The following PRKCH variants were observed in gnomAD, a reference collection of about 807,000 sequenced individuals.
The protein encoded by PRKCH is protein kinase C eta.
In PRKCH, 28 loss-of-function variants were observed where a neutral mutation model predicts 82.5. That is an observed-to-expected ratio of 0.34 (90% confidence interval 0.25 to 0.47). PRKCH has a LOEUF of 0.47. Among genes scored for constraint, PRKCH ranks in the 20% least tolerant of loss-of-function variants. The pLI, the probability that PRKCH is intolerant of heterozygous loss-of-function variation, is 1.00. For synonymous variants in PRKCH, 322 were observed against 327.4 expected, an observed-to-expected ratio of 0.98 and a Z score of 0.18; for missense variants, 705 against 881.8, an observed-to-expected ratio of 0.80 and a Z score of 2.54.
Position 61,280,319 on chromosome 14 carries a change from C to T in PRKCH, c.-19+92651C>T. 6.2e-7 allele frequency: 1 copy of T among 1,613,866 alleles called. No homozygotes were observed. The highest frequency in any genetic ancestry group is 8.5e-7 in the Non-Finnish European group (1 of 1,179,950). On this transcript the variant is annotated intron_variant, in intron 1 of 3. Coordinates refer to the PRKCH transcript ENST00000555185. This position sits in a 1 kb window ranked among gnomAD's most constrained non-coding sequence, Gnocchi z 5.0. Reference sequence around the variant, plus strand: ...ACGCGGTAGGCGCCCCGCGGCAGCCCGGCCGAGTAGTTGCCCTGGCGGATG... The same window carrying T: ...ACGCGGTAGGCGCCCCGCGGCAGCCTGGCCGAGTAGTTGCCCTGGCGGATG...
intron 9 of PRKCH, among the ~76,000 whole-genome samples, chr14:61,466,777 C>T (rs111972386): frequency 3.3e-5 from 5 of 152,230 alleles, no homozygotes; most frequent in Admixed American, 1.3e-4. Context: ...GCTCCGATGC[C>T]GGTCGCTTTT....
In PRKCH at chr14:61,459,744, T is replaced by A. The variant is rs1390652528; in HGVS notation, c.1278+2065T>A. Among the ~76,000 whole-genome samples the A allele has an allele frequency of 3.3e-5, 5 of 152,272 alleles. No homozygotes were observed. The South Asian group carries it at 6.2e-4, about 19-fold the overall frequency. On this transcript the variant is annotated intron_variant, in intron 9 of 13. Transcript: ENST00000332981. ...ATTTATAGCCTTTGAGAGAATTTTC[T>A]GTACATAAAAGCATATATATACAGC...
chr14:61,493,327 A>G (rs1295228141), intron 10 of PRKCH, among the ~76,000 whole-genome samples: 2 of 152,154 alleles, frequency 1.3e-5, no homozygotes, highest in Non-Finnish European at 2.9e-5. Context: ...CCTTGTCTAA[A>G]TGGTTGCTGA....
chr14:61,546,300 G>A (rs1027519524), intron 12 of PRKCH, among the ~76,000 whole-genome samples: 1 of 152,198 alleles, frequency 6.6e-6, no homozygotes, highest in Non-Finnish European at 1.5e-5. Context: ...CAGCTGCTCT[G>A]ACTGGGCCTG....
chr14:61,410,291 CTT>C (rs979507425), intron 2 of PRKCH, among the ~76,000 whole-genome samples: 3 of 152,078 alleles, frequency 2.0e-5, no homozygotes, highest in Non-Finnish European at 4.4e-5. Context: ...TAAAATATCT[CTT>C]ATGCATTTTG....
At chr14:61,485,405 TGTC>T in intron 9 of PRKCH, 94 bp from the exon 10 acceptor site, 4 of 1,423,280 alleles carry the variant, frequency 2.8e-6, no homozygotes, top group Non-Finnish European at 3.8e-6. Flanking sequence ...CACTTGACAG[TGTC>T]CTCTCTATGC....
chr14:61,256,182 C>T (rs866624611), intron 1 of PRKCH, among the ~76,000 whole-genome samples: 3 of 152,182 alleles, frequency 2.0e-5, no homozygotes, highest in Non-Finnish European at 4.4e-5. Flanking sequence ...GAATTTCTGT[C>T]TCATCACCAG....
chr14:61,473,240 G>T (rs1368442924), intron 9 of PRKCH, among the ~76,000 whole-genome samples: 1 of 152,188 alleles, frequency 6.6e-6, no homozygotes, highest in Non-Finnish European at 1.5e-5. Flanking sequence ...CGGGGGTAGG[G>T]GGGTGGTGAT....
At chr14:61,389,467 G>A (rs892464729) in intron 1 of PRKCH, among the ~76,000 whole-genome samples, 1 of 152,274 alleles carries the variant, frequency 6.6e-6, no homozygotes, top group Admixed American at 6.5e-5. Context: ...GAGGTGGGAG[G>A]ATTGCTTGAG....
intron 13 of PRKCH, among the ~76,000 whole-genome samples, chr14:61,548,724 G>A (rs1158954438): frequency 6.6e-6 from 1 of 151,748 alleles, no homozygotes; most frequent in Admixed American, 6.6e-5. Context: ...AAAGCCTGGT[G>A]TGGTGATGCA....
intron 10 of PRKCH, among the ~76,000 whole-genome samples, chr14:61,494,922 C>G (rs1054722341): frequency 6.6e-6 from 1 of 152,216 alleles, no homozygotes; most frequent in Non-Finnish European, 1.5e-5. Context: ...TTACCATGAA[C>G]TTACCATAAA....
At chr14:61,361,746 A>G (rs1303708552) in intron 1 of PRKCH, among the ~76,000 whole-genome samples, 1 of 152,304 alleles carries the variant, frequency 6.6e-6, no homozygotes, top group East Asian at 1.9e-4. Flanking sequence ...CAAGGGGACA[A>G]TTTCTTTGTG....
At chr14:61,388,812 C>G (rs2046629607) in intron 1 of PRKCH, among the ~76,000 whole-genome samples, 1 of 152,218 alleles carries the variant, frequency 6.6e-6, no homozygotes, top group South Asian at 2.1e-4. Flanking sequence ...TAACAGTAGT[C>G]ATGATGCAAG....
intron 10 of PRKCH, among the ~76,000 whole-genome samples, chr14:61,507,807 C>T (rs1320738277): frequency 1.3e-5 from 2 of 151,908 alleles, no homozygotes; most frequent in East Asian, 3.8e-4. Context: ...TCAAAGGGTA[C>T]AAAATTTCAG....
intron 10 of PRKCH, among the ~76,000 whole-genome samples, chr14:61,517,309 T>G (rs1171520925): frequency 6.6e-6 from 1 of 151,716 alleles, no homozygotes; most frequent in African/African-American, 2.4e-5. Flanking sequence ...ACTGCTTGCT[T>G]TTCCCAAGTC....
At chr14:61,205,952 C>T (rs776358547) in intron 1 of PRKCH, among the ~76,000 whole-genome samples, 3 of 152,186 alleles carry the variant, frequency 2.0e-5, no homozygotes, top group Non-Finnish European at 2.9e-5. Flanking sequence ...CCTGGCATCA[C>T]CTCTCTAATA....
At chr14:61,424,142 T>A (rs1422822331) in intron 2 of PRKCH, among the ~76,000 whole-genome samples, 1 of 152,232 alleles carries the variant, frequency 6.6e-6, no homozygotes, top group Non-Finnish European at 1.5e-5. Context: ...CATGTGGAAC[T>A]ATGAGTCAAT....
Position 61,280,471 on chromosome 14 carries a change from G to C in PRKCH, c.-19+92803G>C. The C allele has an allele frequency of 6.2e-7, 1 of 1,613,370 alleles. No homozygotes were observed. Among genetic ancestry groups the C allele is most frequent in the Non-Finnish European group, 8.5e-7 (1 of 1,179,708 alleles). On this transcript the variant is annotated intron_variant, in intron 1 of 3. Coordinates refer to the PRKCH transcript ENST00000555185. This position sits in a 1 kb window ranked among gnomAD's most constrained non-coding sequence, Gnocchi z 5.0. ...GTAGACTGGCCGGCGCCAGTTGGGC[G>C]GGGGCGCCGTGCCCTGGAAGGCCAA... is the stretch of plus-strand genomic sequence containing the variant.
chr14:61,446,121 G>A (rs116713048), intron 4 of PRKCH, among the ~76,000 whole-genome samples: 2,770 of 149,040 alleles, frequency 0.019, 82 homozygotes, highest in African/African-American at 0.065. Flanking sequence ...CTTTTTCCCC[G>A]TCCAGGGAAC....
Sources: gnomAD v4.1 joint callset for allele counts (sites outside exome capture counted in the v4.1 genomes callset) on GRCh38, gnomAD v4.1.1 for gene constraint, Gnocchi (gnomAD v3.1) non-coding constraint, MANE v1.5 for transcripts, NCBI Gene and HGNC (gene_info 2026-07-23, HGNC 2026-07-21) for gene names.